The following METTL15 variants were observed in gnomAD, a reference collection of about 807,000 sequenced individuals.
METTL15 encodes 12S rRNA N(4)-cytidine methyltransferase METTL15.
A neutral mutation model predicts 38.3 loss-of-function variants in METTL15; 34 were observed. The observed-to-expected ratio is 0.89, with a 90% CI of 0.68 to 1.18. The LOEUF (loss-of-function observed/expected upper bound fraction) is 1.18. Among genes scored for constraint, METTL15 ranks in the 50% most tolerant of loss-of-function variants. The pLI is 0.00. For synonymous variants in METTL15, 162 were observed against 170.9 expected, an observed-to-expected ratio of 0.95 and a Z score of 0.41; for missense variants, 438 against 498.4, an observed-to-expected ratio of 0.88 and a Z score of 1.15.
At chr11:28,363,948 T>C (rs1850163481) in intron 5 of METTL15, among the ~76,000 whole-genome samples, 1 of 152,172 alleles carries the variant, frequency 6.6e-6, no homozygotes, top group Non-Finnish European at 1.5e-5. Flanking sequence ...GTCCTTTCTC[T>C]ATTGCTTGTT....
At chr11:28,525,374 A>G (rs1268423358) in intron 6 of METTL15, among the ~76,000 whole-genome samples, 3 of 152,124 alleles carry the variant, frequency 2.0e-5, no homozygotes, top group South Asian at 2.1e-4. Context: ...AAGGTTCTCC[A>G]CGTCCCCACT....
chr11:28,330,629 A>G lies in METTL15; in HGVS notation c.1012A>G (p.Met338Val). The change falls in exon 7 of 7, where the codon ATG becomes GTG. Residue 338 changes from methionine (M) to valine (V), a missense_variant. Met to Val is a conservative substitution (Grantham distance 21). Coordinates refer to ENST00000407364, the MANE Select transcript of METTL15 (RefSeq NM_001113528.2). ...IVKRFLLGIS[M>V]TERFNLSVRQ... is the part of the protein sequence containing the mutation. ...CAAAAGATTTTTGCTTGGAATAAGC[A>G]TGACAGAAAGATTTAACCTAAGTGT... The G allele has an allele frequency of 1.3e-6, 2 of 1,551,464 alleles. No homozygotes were observed. The highest frequency in any genetic ancestry group is 1.7e-6 in the Non-Finnish European group (2 of 1,146,816).
chr11:28,135,465 T>C (rs1296132578), intron 3 of METTL15, among the ~76,000 whole-genome samples: 1 of 152,170 alleles, frequency 6.6e-6, no homozygotes, highest in Non-Finnish European at 1.5e-5. Context: ...GAAAGTGATA[T>C]TCTTTACTCA....
intron 4 of METTL15, among the ~76,000 whole-genome samples, chr11:28,242,211 C>A (rs1001016028): frequency 6.6e-6 from 1 of 152,124 alleles, no homozygotes; most frequent in African/African-American, 2.4e-5. Context: ...ATTTGTCAAT[C>A]ATTATTAAGT....
intron 4 of METTL15, among the ~76,000 whole-genome samples, chr11:28,285,765 T>C (rs1212404560): frequency 6.6e-6 from 1 of 152,150 alleles, no homozygotes; most frequent in Admixed American, 6.6e-5. Context: ...TAATCAGAGC[T>C]GTGTGCTGCT....
intron 3 of METTL15, among the ~76,000 whole-genome samples, chr11:28,139,204 G>A (rs573751533): frequency 5.9e-4 from 90 of 152,220 alleles, no homozygotes; most frequent in African/African-American, 2.0e-3. Context: ...GTGTCCTGTG[G>A]TATGGGGACA....
chr11:28,446,208 C>T (rs1185791249), intron 6 of METTL15, among the ~76,000 whole-genome samples: 1 of 152,048 alleles, frequency 6.6e-6, no homozygotes, highest in Non-Finnish European at 1.5e-5. Context: ...GGTGTAAGCT[C>T]CCATCAATGG....
chr11:28,128,103 T>C (rs924285786), intron 3 of METTL15, among the ~76,000 whole-genome samples: 1 of 152,160 alleles, frequency 6.6e-6, no homozygotes, highest in Admixed American at 6.6e-5. Flanking sequence ...AAGGAAGGAT[T>C]TTCTTGCATG....
chr11:28,238,258 C>T (rs899708920), intron 4 of METTL15, among the ~76,000 whole-genome samples: 1 of 152,190 alleles, frequency 6.6e-6, no homozygotes, highest in Non-Finnish European at 1.5e-5. Context: ...GTGGGCTCCA[C>T]CCAGTGCGAG....
At chr11:28,148,195 T>A (rs1849955588) in intron 3 of METTL15, among the ~76,000 whole-genome samples, 1 of 151,956 alleles carries the variant, frequency 6.6e-6, no homozygotes, top group African/African-American at 2.4e-5. Flanking sequence ...AACTGGATGT[T>A]TAGAGTTTCA....
At chr11:28,140,538 C>T (rs572175928) in intron 3 of METTL15, among the ~76,000 whole-genome samples, 1 of 152,266 alleles carries the variant, frequency 6.6e-6, no homozygotes, top group East Asian at 1.9e-4. Flanking sequence ...AGTTTACTCA[C>T]CTGCCAGGTA....
At chr11:28,525,302 C>T (rs188821461) in intron 6 of METTL15, among the ~76,000 whole-genome samples, 157 of 152,242 alleles carry the variant, frequency 1.0e-3, no homozygotes, top group African/African-American at 3.7e-3. Context: ...TTACAGAGAG[C>T]GGGAGTGGTC....
At chr11:28,352,402 T>A (rs1850049623) in intron 4 of METTL15, among the ~76,000 whole-genome samples, 1 of 152,088 alleles carries the variant, frequency 6.6e-6, no homozygotes, top group African/African-American at 2.4e-5. Context: ...GGCAGGATAG[T>A]AGGGGAGACA....
At chr11:28,407,331 G>C (rs1850682836) in intron 5 of METTL15, among the ~76,000 whole-genome samples, 1 of 152,118 alleles carries the variant, frequency 6.6e-6, no homozygotes, top group African/African-American at 2.4e-5. Flanking sequence ...TTAAACCAAA[G>C]AGCTTCTGCA....
chr11:28,439,867 G>T (rs1851019205), intron 6 of METTL15, among the ~76,000 whole-genome samples: 1 of 152,184 alleles, frequency 6.6e-6, no homozygotes, highest in African/African-American at 2.4e-5. Context: ...GAGCATGTAG[G>T]TTCATTGCTC....
intron 4 of METTL15, among the ~76,000 whole-genome samples, chr11:28,254,454 G>A (rs1386616084): frequency 6.6e-6 from 1 of 152,000 alleles, no homozygotes; most frequent in East Asian, 1.9e-4. Context: ...TTTATTGATT[G>A]TATACTTTGC....
intron 6 of METTL15, among the ~76,000 whole-genome samples, chr11:28,298,051 CA>C (rs1856798657): frequency 6.6e-6 from 1 of 151,400 alleles, no homozygotes; most frequent in East Asian, 1.9e-4. Flanking sequence ...TTTTTTAAGC[CA>C]CATATCTCAG....
At chr11:28,134,988 A>G (rs574799185) in intron 3 of METTL15, among the ~76,000 whole-genome samples, 2 of 152,292 alleles carry the variant, frequency 1.3e-5, no homozygotes, top group South Asian at 4.1e-4. Flanking sequence ...TTCCAGGACT[A>G]GAATATTGAT....
intron 3 of METTL15, among the ~76,000 whole-genome samples, chr11:28,128,841 T>G (rs1279635642): frequency 6.6e-6 from 1 of 152,194 alleles, no homozygotes; most frequent in Non-Finnish European, 1.5e-5. Flanking sequence ...ACTAAATTTT[T>G]TAGTCTAATC....
Sources: gnomAD v4.1 joint callset for allele counts (sites outside exome capture counted in the v4.1 genomes callset) on GRCh38, gnomAD v4.1.1 for gene constraint, MANE v1.5 for transcripts, NCBI Gene and HGNC (gene_info 2026-07-23, HGNC 2026-07-21) for gene names.